The following PPP3CC variants were observed in gnomAD, a reference collection of about 807,000 sequenced individuals.
The protein encoded by PPP3CC is protein phosphatase 3 catalytic subunit gamma, also known as serine/threonine-protein phosphatase 2B catalytic subunit gamma isoform.
Under a neutral mutation model 60.3 loss-of-function variants are expected in PPP3CC, and 35 were observed. That is an observed-to-expected ratio of 0.58 (90% confidence interval 0.44 to 0.77). The LOEUF is 0.77. Among genes scored for constraint, PPP3CC ranks in the 30% least tolerant of loss-of-function variants. The pLI, the probability that PPP3CC is intolerant of heterozygous loss-of-function variation, is 0.00. For synonymous variants in PPP3CC, 206 were observed against 224.3 expected, an observed-to-expected ratio of 0.92 and a Z score of 0.73; for missense variants, 570 against 628.9, an observed-to-expected ratio of 0.91 and a Z score of 1.00.
chr8:22,512,363 G>A (rs373177351), intron 5 of PPP3CC, among the ~76,000 whole-genome samples: 119 of 152,168 alleles, frequency 7.8e-4, no homozygotes, highest in Non-Finnish European at 1.4e-3. Context: ...GCTCTTTCAC[G>A]CAGTAGAAAT....
chr8:22,501,359 A>G (rs1355026759), intron 4 of PPP3CC, among the ~76,000 whole-genome samples: 2 of 152,140 alleles, frequency 1.3e-5, no homozygotes, highest in Non-Finnish European at 2.9e-5. Context: ...TTATTATCTC[A>G]TAGTTATTGT....
At chr8:22,497,257 G>A (rs1838617466) in intron 3 of PPP3CC, among the ~76,000 whole-genome samples, 1 of 151,988 alleles carries the variant, frequency 6.6e-6, no homozygotes, top group African/African-American at 2.4e-5. Context: ...TCGAACTCCC[G>A]ACCTCCGGTG....
chr8:22,506,027 A>C (rs946606183), intron 4 of PPP3CC, among the ~76,000 whole-genome samples: 11 of 152,014 alleles, frequency 7.2e-5, no homozygotes, highest in Non-Finnish European at 8.8e-5. Flanking sequence ...CCTAGTACCC[A>C]GTAGTTATTT....
At chr8:22,441,798 A>G (rs1836681391) in intron 1 of PPP3CC, among the ~76,000 whole-genome samples, 1 of 152,174 alleles carries the variant, frequency 6.6e-6, no homozygotes, top group Non-Finnish European at 1.5e-5. Context: ...TGGTGTGAGC[A>G]GGGAGTCGAC....
intron 3 of PPP3CC, among the ~76,000 whole-genome samples, chr8:22,481,349 AAT>A (rs1311737373): frequency 1.5e-4 from 7 of 46,780 alleles, no homozygotes; most frequent in African/African-American, 3.8e-4. Flanking sequence ...AAAAATAAAT[AAT>A]AATAATAATA....
At chr8:22,483,821 T>G (rs1838142764) in intron 3 of PPP3CC, among the ~76,000 whole-genome samples, 1 of 152,094 alleles carries the variant, frequency 6.6e-6, no homozygotes, top group African/African-American at 2.4e-5. Context: ...AAGGACACAT[T>G]TTAATGCCTA....
intron 3 of PPP3CC, among the ~76,000 whole-genome samples, chr8:22,482,930 A>T (rs1050826034): frequency 6.6e-6 from 1 of 152,212 alleles, no homozygotes; most frequent in African/African-American, 2.4e-5. Context: ...AAAAAAAGTT[A>T]TAGGAGCAGA....
At chr8:22,450,808 T>TTTAC (rs1260474093) in intron 1 of PPP3CC, among the ~76,000 whole-genome samples, 1 of 91,740 alleles carries the variant, frequency 1.1e-5, no homozygotes, top group African/African-American at 4.6e-5. Context: ...TTTTTATTTA[T>TTTAC]TTATTTATTT....
intron 6 of PPP3CC, among the ~76,000 whole-genome samples, chr8:22,514,248 C>CAAAA (rs66505760): frequency 2.2e-5 from 2 of 89,478 alleles, no homozygotes; most frequent in Non-Finnish European, 4.3e-5. Context: ...ACTCTGTCTC[C>CAAAA]AAAAAAAAAA....
At position 22,532,945 on chromosome 8, in the gene PPP3CC, T is replaced by C. The variant is rs750068625; in HGVS notation, c.1248T>C (p.Thr416=). The C allele has an allele frequency of 6.2e-7, 1 of 1,602,322 alleles. No homozygotes were observed. The highest frequency in any genetic ancestry group is 1.7e-5 in the Admixed American group (1 of 58,624). ...ILRQESESVL[T]LKGLTPTGTL... is the part of the protein sequence containing the mutation. ...GGCAAGAAAGTGAGAGTGTGCTGAC[T>C]CTCAAGGGCCTGACTCCCACAGGCA... The change falls in exon 12 of 14, where the codon ACT becomes ACC. Residue 416 remains threonine (T), a synonymous_variant. Coordinates refer to ENST00000240139, the MANE Select transcript of PPP3CC (RefSeq NM_005605.5).
intron 3 of PPP3CC, among the ~76,000 whole-genome samples, chr8:22,493,999 A>G (rs1303449779): frequency 1.3e-5 from 2 of 152,162 alleles, no homozygotes; most frequent in African/African-American, 4.8e-5. Flanking sequence ...TATGATGGCT[A>G]CATCACTAGG....
chr8:22,441,518 C>G, intron 1 of PPP3CC, 60 bp downstream of exon 1: 1 of 1,465,822 alleles, frequency 6.8e-7, no homozygotes, highest in South Asian at 1.4e-5. Flanking sequence ...GGCTGGGCGG[C>G]GGCTCGGGGC....
chr8:22,533,695 G>A (rs926942529), intron 12 of PPP3CC, among the ~76,000 whole-genome samples: 2 of 151,978 alleles, frequency 1.3e-5, no homozygotes, highest in Non-Finnish European at 2.9e-5. Context: ...TGTGGTGGTG[G>A]GCACCTGTGA....
At chr8:22,474,837 C>G (rs1205237309) in intron 1 of PPP3CC, 117 bp from the exon 2 acceptor site, 3 of 601,426 alleles carry the variant, frequency 5.0e-6, no homozygotes, top group African/African-American at 3.8e-5. Flanking sequence ...CGTACTGGTG[C>G]TGTGGATGTG....
intron 1 of PPP3CC, among the ~76,000 whole-genome samples, chr8:22,474,013 G>C (rs556639541): frequency 6.6e-6 from 1 of 152,210 alleles, no homozygotes; most frequent in East Asian, 1.9e-4. Context: ...TTCTGCCTCA[G>C]CTTCCCGAGT....
intron 1 of PPP3CC, among the ~76,000 whole-genome samples, chr8:22,455,055 CAAA>C (rs5890035): frequency 1.0e-3 from 92 of 91,294 alleles, no homozygotes; most frequent in African/African-American, 3.1e-3. Flanking sequence ...GACTCCATCT[CAAA>C]AAAAAAAAAA....
chr8:22,530,939 A>G (rs1447801573), intron 10 of PPP3CC, among the ~76,000 whole-genome samples: 1 of 151,866 alleles, frequency 6.6e-6, no homozygotes, highest in Non-Finnish European at 1.5e-5. Context: ...AGAGATTTGT[A>G]AACTGTTCTG....
intron 3 of PPP3CC, among the ~76,000 whole-genome samples, chr8:22,496,163 G>A (rs545767203): frequency 6.6e-6 from 1 of 151,716 alleles, no homozygotes; most frequent in South Asian, 2.1e-4. Context: ...ATTGTGATTT[G>A]AGATGCCACC....
chr8:22,505,749 T>G (rs894928415), intron 4 of PPP3CC, among the ~76,000 whole-genome samples: 4 of 152,170 alleles, frequency 2.6e-5, no homozygotes. Context: ...AACACTTACA[T>G]GCTGAATCGG....
Sources: allele counts gnomAD v4.1 joint callset (sites outside exome capture counted in the v4.1 genomes callset), GRCh38; gene constraint gnomAD v4.1.1; transcripts MANE v1.5; gene names NCBI Gene and HGNC (gene_info 2026-07-23, HGNC 2026-07-21).